Variants in SFI1 observed in about 807,000 individuals in gnomAD.
The protein encoded by SFI1 is SFI1 centrin binding protein.
In SFI1, 195 loss-of-function variants were observed where a neutral mutation model predicts 207.5. The observed-to-expected ratio is 0.94, with a 90% confidence interval of 0.84 to 1.06. The LOEUF (loss-of-function observed/expected upper bound fraction) is 1.06. SFI1 is among the 50% of genes least tolerant of loss of function. The pLI, the probability that SFI1 is intolerant of heterozygous loss-of-function variation, is 0.00. For missense variants in SFI1, 1,634 were observed against 1,588.0 expected (o/e 1.03, Z -0.49); for synonymous variants, 630 against 598.9 (o/e 1.05, Z -0.76).
chr22:31,604,054 T>TC (rs1407712236), intron 18 of SFI1, among the ~76,000 whole-genome samples: 1 of 152,236 alleles, frequency 6.6e-6, no homozygotes, highest in Non-Finnish European at 1.5e-5. Context: ...AAATTCCTGA[T>TC]CTAACCATTT....
At chr22:31,584,100 G>A (rs1325514105) in intron 13 of SFI1, 128 bp downstream of exon 13, 3 of 765,246 alleles carry the variant, frequency 3.9e-6, no homozygotes, top group African/African-American at 1.7e-5. Flanking sequence ...TGGGGTGGAG[G>A]TCCTGCTGTA....
At position 31,616,807 on chromosome 22, in the gene SFI1, C is replaced by A. The variant is rs376263266; in HGVS notation, c.3363C>A (p.Val1121=). 5.0e-6 allele frequency: 8 copies of A among 1,612,290 alleles called. No homozygotes were observed. The highest frequency in any genetic ancestry group is 4.0e-5 in the African/African-American group (3 of 75,010). ...CGGTCCCCTCATCCCTGGCCAGTGTCCCTGACCCCCATCTACTCCTTCCTG... is the reference window on the plus strand; with the variant it reads ...CGGTCCCCTCATCCCTGGCCAGTGTACCTGACCCCCATCTACTCCTTCCTG... ...KPPVPSSLAS[V]PDPHLLLPGD... Residue 1121 remains valine (V), a synonymous_variant, in exon 30 of 33, where the codon GTC becomes GTA. Coordinates refer to ENST00000400288, the MANE Select transcript of SFI1 (RefSeq NM_001007467.3).
chr22:31,612,398 A>AATATATATATATATAT (rs57948429), intron 24 of SFI1: 4 of 60,192 alleles, frequency 6.6e-5, no homozygotes, highest in African/African-American at 2.7e-4. Flanking sequence ...AAAAAAAAAA[A>AATATATATATATATAT]ATATATATAT....
chr22:31,540,054 G>C (rs2059333931), intron 4 of SFI1, among the ~76,000 whole-genome samples: 1 of 151,596 alleles, frequency 6.6e-6, no homozygotes, highest in South Asian at 2.1e-4. Flanking sequence ...CTTATAACTT[G>C]AAGGCTTCAC....
chr22:31,552,677 T>C (rs1247637285), intron 6 of SFI1, among the ~76,000 whole-genome samples: 2 of 152,134 alleles, frequency 1.3e-5, no homozygotes, highest in East Asian at 3.8e-4. Flanking sequence ...TTCTCTTCGT[T>C]TGGGTAGATT....
rs868042540 is a variant in SFI1 at position 31,606,702 on chromosome 22, T to C, written c.2157+272T>C. On this transcript the variant is annotated intron_variant, in intron 21 of 32. Transcript: ENST00000400288. ...AGTATTTTCTTTTTTTCTTTTTTTTTTTTTTTTTTTTTTTGAGACAGTCTC... is the reference window on the plus strand; with the variant it reads ...AGTATTTTCTTTTTTTCTTTTTTTTCTTTTTTTTTTTTTTGAGACAGTCTC... The C allele has an allele frequency of 5.8e-3, 1,375 of 235,366 alleles. 15 individuals carry two copies. The highest frequency in any genetic ancestry group is 0.036 in the African/African-American group (1,265 of 35,490). 14.6% of individuals were successfully genotyped at this position (235,366 alleles called of 1,614,324 possible). A position where few individuals can be genotyped will look rare whatever the true frequency, so the allele number is the denominator to read the frequency against.
intron 5 of SFI1, among the ~76,000 whole-genome samples, chr22:31,548,037 AC>A (rs1465381597): frequency 2.0e-5 from 3 of 149,610 alleles, no homozygotes; most frequent in African/African-American, 7.4e-5. Context: ...ACATGGTGAA[AC>A]CCCGTCTCTA....
intron 4 of SFI1, among the ~76,000 whole-genome samples, chr22:31,543,654 A>G (rs59562831): frequency 0.011 from 1,664 of 151,832 alleles, 36 homozygotes; most frequent in African/African-American, 0.038. Flanking sequence ...TACTAAAAGT[A>G]CAAAAATTAG....
chr22:31,569,909 C>CT (rs1018541124), intron 8 of SFI1, among the ~76,000 whole-genome samples: 2 of 150,706 alleles, frequency 1.3e-5, no homozygotes, highest in Non-Finnish European at 2.9e-5. Flanking sequence ...GATTGTACCA[C>CT]TGCCCTCTAG....
At chr22:31,585,259 T>A (rs887326504) in intron 14 of SFI1, 125 bp downstream of exon 14, 2 of 715,374 alleles carry the variant, frequency 2.8e-6, no homozygotes, top group African/African-American at 1.8e-5. Flanking sequence ...AGAGAGGGTG[T>A]TGAAAAAGCT....
chr22:31,603,130 A>G (rs1221144978), intron 17 of SFI1, among the ~76,000 whole-genome samples: 1 of 152,130 alleles, frequency 6.6e-6, no homozygotes, highest in East Asian at 1.9e-4. Context: ...TACTCAGGAG[A>G]GTGAAGCACG....
intron 2 of SFI1, 135 bp from the exon 3 acceptor site, chr22:31,528,555 T>A: frequency 1.2e-6 from 1 of 802,990 alleles, no homozygotes; most frequent in African/African-American, 1.7e-5. Flanking sequence ...TTGGGCTGCT[T>A]ATTATCCTTG....
rs755533474 is a variant in SFI1, at chr22:31,602,273, A to T, written c.1606A>T (p.Asn536Tyr). 6.2e-7 allele frequency: 1 copy of T among 1,614,092 alleles called. No individual in the cohort carries two copies. Among genetic ancestry groups the T allele is most frequent in the African/African-American group, 1.3e-5 (1 of 75,040 alleles). Residue 536 changes from asparagine (N) to tyrosine (Y), a missense_variant, in exon 16 of 33, where the codon AAC becomes TAC. Asn to Tyr is a moderately radical substitution (Grantham distance 143). Coordinates refer to ENST00000400288, the MANE Select transcript of SFI1 (RefSeq NM_001007467.3). ...GCAGAAGATGTTTCAGCATCGAGAAAACCGCCTGGCAGAGAGAATGGTAAA... is the reference window on the plus strand; with the variant it reads ...GCAGAAGATGTTTCAGCATCGAGAATACCGCCTGGCAGAGAGAATGGTAAA... ...WRQKMFQHRE[N>Y]RLAERMAILH...
In SFI1 at chr22:31,613,142, C is replaced by T; in HGVS notation, c.2491C>T (p.Leu831=). The change falls in exon 25 of 33, where the codon CTG becomes TTG. Residue 831 remains leucine (L), a splice_region_variant and synonymous_variant. Coordinates refer to ENST00000400288, the MANE Select transcript of SFI1 (RefSeq NM_001007467.3). ...RTCFRQWRQQ[L]AARRQEQRAT... ...AATGATCTGGTCTTTCTGGCCCTAGCTGGCAGCCAGGAGGCAGGAGCAGCG... is the reference window on the plus strand; with the variant it reads ...AATGATCTGGTCTTTCTGGCCCTAGTTGGCAGCCAGGAGGCAGGAGCAGCG... 1 of 1,613,256 alleles carries T rather than the reference C, an allele frequency of 6.2e-7. No homozygotes were observed.
intron 15 of SFI1, among the ~76,000 whole-genome samples, chr22:31,599,264 C>T (rs748929042): frequency 3.3e-5 from 5 of 151,894 alleles, no homozygotes; most frequent in African/African-American, 9.7e-5. Context: ...TATGATATGA[C>T]GTAGGAGTCA....
chr22:31,563,670 C>T (rs1263485055), intron 8 of SFI1, among the ~76,000 whole-genome samples: 1 of 152,144 alleles, frequency 6.6e-6, no homozygotes, highest in Non-Finnish European at 1.5e-5. Flanking sequence ...ACTGCAACCC[C>T]TGCCTCCCGG....
At chr22:31,589,694 T>A (rs1235290044) in intron 15 of SFI1, 117 bp downstream of exon 15, 5 of 1,100,744 alleles carry the variant, frequency 4.5e-6, no homozygotes, top group Non-Finnish European at 6.3e-6. Flanking sequence ...TAGTACTTCC[T>A]GGATTTTCAG....
intron 15 of SFI1, among the ~76,000 whole-genome samples, chr22:31,597,935 C>T (rs948045614): frequency 6.6e-6 from 1 of 150,906 alleles, no homozygotes; most frequent in Non-Finnish European, 1.5e-5. Context: ...AATGTGTATA[C>T]AGTGAAAGGC....
At chr22:31,607,597 T>C (rs1028150347) in intron 21 of SFI1, 1 of 151,490 alleles carries the variant, frequency 6.6e-6, no homozygotes, top group African/African-American at 2.4e-5. Flanking sequence ...AGCGAGACTA[T>C]GTCTCAAAAA....
Sources: allele counts gnomAD v4.1 joint callset (sites outside exome capture counted in the v4.1 genomes callset), GRCh38; gene constraint gnomAD v4.1.1; transcripts MANE v1.5; gene names NCBI Gene and HGNC (gene_info 2026-07-23, HGNC 2026-07-21).